NFATC4: variants seen among roughly 807,000 people sequenced by gnomAD.
The protein encoded by NFATC4 is nuclear factor of activated T-cells, cytoplasmic 4.
Under a neutral mutation model 73.4 loss-of-function variants are expected in NFATC4, and 25 were observed. The ratio of observed to expected loss-of-function variants is 0.34; its 90% CI spans 0.25 to 0.48. The LOEUF (loss-of-function observed/expected upper bound fraction) is 0.48. Ranked by LOEUF, NFATC4 falls within the 20% of genes least tolerant of loss-of-function variation. The pLI is 0.99. For synonymous variants in NFATC4, 523 were observed against 510.3 expected (o/e 1.02, Z -0.34); for missense variants, 1,130 against 1,203.7 (o/e 0.94, Z 0.91).
At position 24,373,769 on chromosome 14, in the gene NFATC4, G is replaced by A. The variant is rs372002281; in HGVS notation, c.1634G>A (p.Arg545His). ...ELRKGETDIG[R>H]KNTRVRLVFR... ...CGGAAGGGTGAGACGGACATCGGGC[G>A]CAAAAACACACGTGTACGGCTGGTG... The change falls in exon 5 of 10, where the codon CGC becomes CAC. Residue 545 changes from arginine (R) to histidine (H), a missense_variant. Transcript: ENST00000250373. The surrounding 1 kb of genome is among the most constrained non-coding windows in gnomAD (Gnocchi z 4.7). 2.5e-6 allele frequency: 4 copies of A among 1,614,008 alleles called. No homozygotes were observed. Among genetic ancestry groups the A allele is most frequent in the Non-Finnish European group, 3.4e-6 (4 of 1,180,026 alleles).
At position 24,370,225 on chromosome 14, in the gene NFATC4, C is replaced by A. The variant is rs1421490567; in HGVS notation, c.827C>A (p.Thr276Asn). Residue 276 changes from threonine (T) to asparagine (N), a missense_variant, in exon 2 of 10, where the codon ACC becomes AAC. Around this residue, in one of 3 missense-constraint regions of NFATC4, gnomAD observed 585 missense variants for 574.3 expected, o/e 1.02. Coordinates refer to ENST00000250373, the MANE Select transcript of NFATC4 (RefSeq NM_004554.5). ...AAGCGGCGCTATTCCAGCTCGGGAACCCCATCTTCAGCCTCCCCAGCTCTG... is the reference window on the plus strand; with the variant it reads ...AAGCGGCGCTATTCCAGCTCGGGAAACCCATCTTCAGCCTCCCCAGCTCTG... Reference protein sequence around the residue: ...CGKRRYSSSGTPSSASPALSR... With the variant: ...CGKRRYSSSGNPSSASPALSR... The A allele has an allele frequency of 6.2e-7, 1 of 1,611,434 alleles. No individual in the cohort carries two copies. Among genetic ancestry groups the A allele is most frequent in the Admixed American group, 1.7e-5 (1 of 60,014 alleles).
chr14:24,374,055 A>T, intron 5 of NFATC4, 188 bp downstream of exon 5: 1 of 953,532 alleles, frequency 1.0e-6, no homozygotes, highest in Non-Finnish European at 1.6e-6. Flanking sequence ...GGTGGCCCAG[A>T]GTGACACTGG....
chr14:24,375,759 G>GCC, intron 7 of NFATC4, 44 bp downstream of exon 7: 13 of 616,982 alleles, frequency 2.1e-5, no homozygotes, highest in South Asian at 2.9e-5. Flanking sequence ...GGGGGTGGGA[G>GCC]AAGGCAGGGG....
upstream of NFATC4, chr14:24,367,038 T>C (rs1354097568): frequency 6.2e-7 from 1 of 1,613,422 alleles, no homozygotes; most frequent in Admixed American, 1.7e-5. Flanking sequence ...GTTGAAACTG[T>C]GTGTGTGTGG....
chr14:24,375,049 C>T (rs1041789441), intron 6 of NFATC4, among the ~76,000 whole-genome samples: 1 of 152,044 alleles, frequency 6.6e-6, no homozygotes, highest in Admixed American at 6.5e-5. Flanking sequence ...CCTCAACCTC[C>T]TGGGCTCAAG....
intron 1 of NFATC4, chr14:24,369,126 G>A: frequency 2.8e-6 from 4 of 1,440,336 alleles, no homozygotes; most frequent in South Asian, 3.0e-5. Context: ...CCGTTTGGGG[G>A]TTTGGGAACC....
chr14:24,369,021 A>G, intron 1 of NFATC4: 1 of 1,215,108 alleles, frequency 8.2e-7, no homozygotes, highest in Non-Finnish European at 1.0e-6. Flanking sequence ...GATGGCGAGG[A>G]GAGAGGGAGG....
chr14:24,375,862 A>G (rs1201919976), intron 7 of NFATC4, 113 bp from the exon 8 acceptor site: 1 of 1,560,756 alleles, frequency 6.4e-7, no homozygotes, highest in African/African-American at 1.4e-5. Flanking sequence ...TAGGGAATGA[A>G]CTTTGCATCT....
chr14:24,376,132 A>G lies in NFATC4; in HGVS notation c.2056+31A>G. 6.2e-7 allele frequency: 1 copy of G among 1,613,646 alleles called. No individual in the cohort carries two copies. Among genetic ancestry groups the G allele is most frequent in the South Asian group, 1.1e-5 (1 of 91,066 alleles). On this transcript the variant is annotated intron_variant, in intron 8 of 9. Transcript: ENST00000250373. This position sits in a 1 kb window ranked among gnomAD's most constrained non-coding sequence, Gnocchi z 5.0. ...CTCTGGGACAGCCCATGGTGGGGGT[A>G]TAGGGATATGGGGAGCTGGAGCAGG...
In NFATC4 at chr14:24,376,651, TCTCTCCGCCAGC is replaced by T. The variant is rs746670458; in HGVS notation, c.2416_2427del (p.Ser806_Ala809del). The T allele has an allele frequency of 6.2e-7, 1 of 1,613,258 alleles. No homozygotes were observed. Among genetic ancestry groups the T allele is most frequent in the South Asian group, 1.1e-5 (1 of 91,064 alleles). Reference sequence around the variant, plus strand: ...TCCTCTTTCTCCCTGGGGCTGCCATTCTCTCCGCCAGCCCCCTTTCGGCCGCCTCCTCTTCCT... The same window carrying T: ...TCCTCTTTCTCCCTGGGGCTGCCATTCCCCTTTCGGCCGCCTCCTCTTCCT... On this transcript the variant is annotated inframe_deletion, in exon 9 of 10. Coordinates refer to ENST00000250373, the MANE Select transcript of NFATC4 (RefSeq NM_004554.5). The surrounding 1 kb of genome is among the most constrained non-coding windows in gnomAD (Gnocchi z 5.0).
At chr14:24,369,355 C>T (rs1245483181) in intron 1 of NFATC4, 144 bp from the exon 2 acceptor site, 1 of 1,599,188 alleles carries the variant, frequency 6.3e-7, no homozygotes, top group Non-Finnish European at 8.5e-7. Context: ...TCCAACTCTG[C>T]TTTTGTCTTG....
At chr14:24,369,032 A>C in intron 1 of NFATC4, 1 of 1,262,090 alleles carries the variant, frequency 7.9e-7, no homozygotes, top group Non-Finnish European at 1.0e-6. Flanking sequence ...GAGAGGGAGG[A>C]GCCACCTCCC....
intron 2 of NFATC4, 188 bp from the exon 3 acceptor site, chr14:24,372,253 T>C: frequency 3.2e-6 from 2 of 631,720 alleles, no homozygotes; most frequent in Non-Finnish European, 5.3e-6. Context: ...TTTCTTCATT[T>C]CTTTGTCCTT....
chr14:24,373,233 G>T lies in NFATC4; in HGVS notation c.1422G>T (p.Arg474Ser). ...TGTTCATCGGCACTGCAGATGAAAG[G>T]AACCTGCGGCCTCATGCCTTCTATC... ...LQMFIGTADE[R>S]NLRPHAFYQV... Residue 474 changes from arginine (R) to serine (S), a missense_variant, in exon 4 of 10, where the codon AGG (arginine) becomes AGT (serine). Physicochemically the swap from Arg to Ser is moderately radical, Grantham distance 110 (BLOSUM62 -1). Transcript: ENST00000250373. The surrounding 1 kb of genome is among the most constrained non-coding windows in gnomAD (Gnocchi z 4.7). 1 of 1,614,214 alleles carries T rather than the reference G, an allele frequency of 6.2e-7. No individual in the cohort carries two copies. Among genetic ancestry groups the T allele is most frequent in the Non-Finnish European group, 8.5e-7 (1 of 1,180,052 alleles).
chr14:24,369,172 T>G, intron 1 of NFATC4: 1 of 1,501,614 alleles, frequency 6.7e-7, no homozygotes, highest in Non-Finnish European at 8.8e-7. Flanking sequence ...TCGCCCCCAG[T>G]CCAGCCCAGT....
chr14:24,367,346 T>C (rs1438362197), upstream of NFATC4: 1 of 1,537,102 alleles, frequency 6.5e-7, no homozygotes, highest in Non-Finnish European at 8.7e-7. Flanking sequence ...AGTGGGATGC[T>C]ATCGGGTCAG....
chr14:24,376,833 G>A lies in NFATC4; in HGVS notation c.2596G>A (p.Gly866Ser). 1 of 1,599,506 alleles carries A rather than the reference G, an allele frequency of 6.3e-7. No homozygotes were observed. The highest frequency in any genetic ancestry group is 8.5e-7 in the Non-Finnish European group (1 of 1,173,578). ...GAAATCCAGGGGTGGCTACAGCAGC[G>A]GCTTCCGAGACAGTGTCCCTATCCA... ...QEKSRGGYSSGFRDSVPIQGI... is the reference protein window; with the variant it reads ...QEKSRGGYSSSFRDSVPIQGI... The change falls in exon 9 of 10, where the codon GGC (glycine) becomes AGC (serine). Residue 866 changes from glycine to serine, a missense_variant. Around this residue, in one of 3 missense-constraint regions of NFATC4, gnomAD observed 390 missense variants for 408.1 expected, o/e 0.96. Transcript: ENST00000250373. The surrounding 1 kb of genome is among the most constrained non-coding windows in gnomAD (Gnocchi z 5.0).
chr14:24,376,326 T>A lies in NFATC4; in HGVS notation c.2089T>A (p.Ser697Thr), dbSNP rs1244749856. ...CAAAGAGGAGCCCCTACCGGACTCA[T>A]CTCTGCGGGGTTTCCCTTCAGCATC... is the stretch of plus-strand genomic sequence containing the variant. ...ICKEEPLPDS[S>T]LRGFPSASAT... The change falls in exon 9 of 10, where the codon TCT becomes ACT. Residue 697 changes from serine (S) to threonine (T), a missense_variant. Physicochemically the swap from Ser to Thr is moderately conservative, Grantham distance 58. Coordinates refer to ENST00000250373, the MANE Select transcript of NFATC4 (RefSeq NM_004554.5). This position sits in a 1 kb window ranked among gnomAD's most constrained non-coding sequence, Gnocchi z 5.0. 5 of 1,595,332 alleles carry A rather than the reference T, an allele frequency of 3.1e-6. No homozygotes were observed. The highest frequency in any genetic ancestry group is 1.3e-5 in the African/African-American group (1 of 74,430).
At chr14:24,372,242 A>C in intron 2 of NFATC4, 199 bp from the exon 3 acceptor site, 2 of 593,616 alleles carry the variant, frequency 3.4e-6, no homozygotes, top group Non-Finnish European at 5.7e-6. Flanking sequence ...GGACTTTTGG[A>C]TTTCTTCATT....
Sources: gnomAD v4.1 joint callset for allele counts (sites outside exome capture counted in the v4.1 genomes callset) on GRCh38, gnomAD v4.1.1 for gene constraint, gnomAD v4.1.1 regional missense constraint, Gnocchi (gnomAD v3.1) non-coding constraint, MANE v1.5 for transcripts, NCBI Gene and HGNC (gene_info 2026-07-23, HGNC 2026-07-21) for gene names.